The following RASGEF1B variants were observed in gnomAD, a reference collection of about 807,000 sequenced individuals.
RASGEF1B encodes the protein ras-GEF domain-containing family member 1B.
RASGEF1B carries 30 observed loss-of-function variants against 65.7 expected under a neutral mutation model. That is an observed-to-expected ratio of 0.46 (90% CI 0.34 to 0.62). The LOEUF (loss-of-function observed/expected upper bound fraction) is 0.62, where lower values mean the gene tolerates loss of function less well. Among genes scored for constraint, RASGEF1B ranks in the 20% least tolerant of loss-of-function variants. The pLI, the probability that RASGEF1B is intolerant of heterozygous loss-of-function variation, is 0.01. For missense variants in RASGEF1B, 495 were observed against 580.1 expected (o/e 0.85, Z 1.51); for synonymous variants, 175 against 194.8 (o/e 0.90, Z 0.85).
At chr4:81,458,006 C>A (rs1161072362) in intron 2 of RASGEF1B, among the ~76,000 whole-genome samples, 1 of 152,056 alleles carries the variant, frequency 6.6e-6, no homozygotes, top group African/African-American at 2.4e-5. Context: ...GTTGTGTGTC[C>A]AAATATTTTG....
At chr4:81,443,489 T>A (rs1721918582) in intron 8 of RASGEF1B, among the ~76,000 whole-genome samples, 1 of 152,192 alleles carries the variant, frequency 6.6e-6, no homozygotes, top group Non-Finnish European at 1.5e-5. Flanking sequence ...AACCAGAGAT[T>A]CGTTTTGTCT....
chr4:81,445,458 CATTTTCTGTGGG>C (rs1721983299), intron 8 of RASGEF1B, 56 bp downstream of exon 8: 1 of 1,121,928 alleles, frequency 8.9e-7, no homozygotes, highest in African/African-American at 1.5e-5. Context: ...ACTATTTGCA[CATTTTCTGTGGG>C]TCATTTTACA....
intron 13 of RASGEF1B, among the ~76,000 whole-genome samples, chr4:81,428,073 G>C (rs1343210356): frequency 6.6e-6 from 1 of 152,058 alleles, no homozygotes; most frequent in Non-Finnish European, 1.5e-5. Flanking sequence ...AACAAAAAAA[G>C]CAAAGATCAT....
At position 81,456,656 on chromosome 4, in the gene RASGEF1B, C is replaced by T. The variant is rs144258756; in HGVS notation, c.433G>A (p.Glu145Lys). The change falls in exon 4 of 14, where the codon GAA becomes AAA. Residue 145 changes from glutamate (E) to lysine (K), a missense_variant. Transcript: ENST00000264400. ...GCTAAATTCAGGTTACCAACCTCTT[C>T]GCCACTGGCTATTCGGTGAGCCAGA... ...KDLAHRIASG[E>K]EQTYRKNVQQ... 14 of 1,614,152 alleles carry T rather than the reference C, an allele frequency of 8.7e-6. No individual in the cohort carries two copies. The highest frequency in any genetic ancestry group is 3.3e-5 in the Admixed American group (2 of 60,032).
intron 1 of RASGEF1B, among the ~76,000 whole-genome samples, chr4:81,467,878 C>A (rs563172884): frequency 3.9e-5 from 6 of 152,208 alleles, no homozygotes; most frequent in Non-Finnish European, 8.8e-5. Flanking sequence ...TCATCATTAC[C>A]TAATTGAGTG....
chr4:81,451,177 A>G (rs531080580), intron 4 of RASGEF1B: 17 of 152,346 alleles, frequency 1.1e-4, no homozygotes, highest in Admixed American at 8.5e-4. Context: ...ACCCACAACT[A>G]TATGTTACTA....
intron 1 of RASGEF1B, among the ~76,000 whole-genome samples, chr4:81,468,428 G>C (rs1361409437): frequency 6.6e-6 from 1 of 152,064 alleles, no homozygotes; most frequent in African/African-American, 2.4e-5. Context: ...TTTCTAAGCA[G>C]GGTTTCCTAA....
At chr4:81,436,404 C>T (rs1721633712) in intron 10 of RASGEF1B, among the ~76,000 whole-genome samples, 1 of 152,180 alleles carries the variant, frequency 6.6e-6, no homozygotes, top group Admixed American at 6.5e-5. Context: ...AAATTAATAG[C>T]TGTTTAAAAA....
At chr4:81,431,762 T>G (rs1276249647) in intron 13 of RASGEF1B, among the ~76,000 whole-genome samples, 1 of 152,164 alleles carries the variant, frequency 6.6e-6, no homozygotes, top group Admixed American at 6.5e-5. Context: ...AAATACAAAT[T>G]TAACCCTATT....
intron 10 of RASGEF1B, among the ~76,000 whole-genome samples, chr4:81,436,886 A>G (rs1319987357): frequency 1.3e-5 from 2 of 152,182 alleles, no homozygotes; most frequent in African/African-American, 4.8e-5. Context: ...TTCTGTTTTG[A>G]TCTCTTTTGA....
rs189955388 is a variant in RASGEF1B at position 81,443,516 on chromosome 4, T to A, written c.929-1140A>T. Among the ~76,000 whole-genome samples the A allele has an allele frequency of 2.6e-3, 390 of 152,354 alleles. 3 individuals are homozygous for A. The highest frequency in any genetic ancestry group is 9.0e-3 in the African/African-American group (373 of 41,586). The stretch of plus-strand genomic sequence containing the variant: ...GTTTTGTCTGTCCTAGAACTTCGTA[T>A]CAATGAAATCATACTGTATCCACTC... On this transcript the variant is annotated intron_variant, in intron 8 of 13. Coordinates refer to ENST00000264400, the MANE Select transcript of RASGEF1B (RefSeq NM_152545.3).
At chr4:81,449,404 T>C (rs1412957876) in intron 4 of RASGEF1B, among the ~76,000 whole-genome samples, 2 of 152,210 alleles carry the variant, frequency 1.3e-5, no homozygotes, top group African/African-American at 4.8e-5. Context: ...TTTAAAACAT[T>C]TGTTAAATCA....
chr4:81,446,400 C>T (rs1298776624), intron 6 of RASGEF1B, among the ~76,000 whole-genome samples: 1 of 152,020 alleles, frequency 6.6e-6, no homozygotes, highest in Non-Finnish European at 1.5e-5. Flanking sequence ...TACCCCTCTT[C>T]CCAAGATACT....
intron 4 of RASGEF1B, 114 bp downstream of exon 4, chr4:81,456,537 C>T: frequency 1.7e-6 from 2 of 1,211,282 alleles, no homozygotes; most frequent in Non-Finnish European, 2.4e-6. Flanking sequence ...GAGGGCTTGC[C>T]CAAAGGCAAA....
intron 4 of RASGEF1B, among the ~76,000 whole-genome samples, chr4:81,450,069 T>C (rs1450033572): frequency 6.6e-6 from 1 of 152,204 alleles, no homozygotes; most frequent in Non-Finnish European, 1.5e-5. Context: ...ACTAAGGTTA[T>C]CAGTTTAGAA....
At chr4:81,460,795 C>G (rs1265580684) in intron 1 of RASGEF1B, among the ~76,000 whole-genome samples, 1 of 152,188 alleles carries the variant, frequency 6.6e-6, no homozygotes, top group Admixed American at 6.5e-5. Flanking sequence ...GAGATAAAAA[C>G]CAACTTCATT....
At position 81,448,222 on chromosome 4, in the gene RASGEF1B, G is replaced by C. The variant is rs1290524013; in HGVS notation, c.501C>G (p.Leu167=). 1 of 1,613,794 alleles carries C rather than the reference G, an allele frequency of 6.2e-7. No individual in the cohort carries two copies. Among genetic ancestry groups the C allele is most frequent in the East Asian group, 2.2e-5 (1 of 44,880 alleles). ...MQCLIRKLAA[L]SQYEEVLAKI... ...TTGCCAGGACTTCTTCGTACTGGCTGAGCGCAGCAAGCTTGCGGATCAGAC... is the reference window on the plus strand; with the variant it reads ...TTGCCAGGACTTCTTCGTACTGGCTCAGCGCAGCAAGCTTGCGGATCAGAC... The change falls in exon 5 of 14, where the codon CTC becomes CTG. Residue 167 remains leucine, a synonymous_variant. Coordinates refer to ENST00000264400, the MANE Select transcript of RASGEF1B (RefSeq NM_152545.3).
intron 9 of RASGEF1B, 26 bp from the exon 10 acceptor site, chr4:81,440,955 T>A: frequency 7.1e-7 from 1 of 1,402,756 alleles, no homozygotes; most frequent in Non-Finnish European, 1.0e-6. Flanking sequence ...AGAAGAATAT[T>A]AACTATTTAT....
At chr4:81,435,166 C>A (rs570312513) in intron 10 of RASGEF1B, among the ~76,000 whole-genome samples, 1 of 152,134 alleles carries the variant, frequency 6.6e-6, no homozygotes, top group South Asian at 2.1e-4. Flanking sequence ...AATCCCAGCA[C>A]TTTGGGAGGC....
Sources: allele counts gnomAD v4.1 joint callset (sites outside exome capture counted in the v4.1 genomes callset), GRCh38; gene constraint gnomAD v4.1.1; transcripts MANE v1.5; gene names NCBI Gene and HGNC (gene_info 2026-07-23, HGNC 2026-07-21).